CSMD1: variants seen among roughly 807,000 people sequenced by gnomAD.
CSMD1 encodes CUB and Sushi multiple domains 1, also known as CUB and sushi domain-containing protein 1.
In CSMD1, 213 loss-of-function variants were observed where a neutral mutation model predicts 417.5. The ratio of observed to expected loss-of-function variants is 0.51; its 90% CI spans 0.46 to 0.57. The LOEUF (loss-of-function observed/expected upper bound fraction) is 0.57, where lower values mean the gene tolerates loss of function less well. CSMD1 is among the 20% of genes least tolerant of loss of function. CSMD1 has a pLI of 0.00. For synonymous variants in CSMD1, 2,862 were observed against 1,736.8 expected, an observed-to-expected ratio of 1.65 and a Z score of -16.11; for missense variants, 6,923 against 4,529.7, an observed-to-expected ratio of 1.53 and a Z score of -15.17.
intron 3 of CSMD1, among the ~76,000 whole-genome samples, chr8:4,155,814 C>G (rs1216332871): frequency 6.6e-6 from 1 of 152,118 alleles, no homozygotes; most frequent in Non-Finnish European, 1.5e-5. Flanking sequence ...ATACACAAAG[C>G]TGCAAAGTCA....
chr8:3,903,125 G>C (rs143620067), intron 5 of CSMD1, among the ~76,000 whole-genome samples: 1 of 152,136 alleles, frequency 6.6e-6, no homozygotes, highest in Admixed American at 6.5e-5. Flanking sequence ...CCTTCTTACT[G>C]GCACTTTGGA....
intron 3 of CSMD1, among the ~76,000 whole-genome samples, chr8:4,330,385 A>G (rs765487708): frequency 3.9e-5 from 6 of 152,106 alleles, no homozygotes; most frequent in Non-Finnish European, 7.4e-5. Context: ...ACTTGAGGTC[A>G]GGAGTTCAGA....
chr8:3,222,744 T>C (rs1033163639), intron 28 of CSMD1, among the ~76,000 whole-genome samples: 4 of 152,246 alleles, frequency 2.6e-5, no homozygotes, highest in Non-Finnish European at 5.9e-5. Context: ...TCACTGGTTT[T>C]CTGTAATAGC....
chr8:4,636,225 G>A (rs1012774941), intron 2 of CSMD1, among the ~76,000 whole-genome samples: 1 of 151,860 alleles, frequency 6.6e-6, no homozygotes, highest in Non-Finnish European at 1.5e-5. Flanking sequence ...TGATTTCTTT[G>A]GAAGGGATAT....
chr8:4,187,579 T>C (rs1798757970), intron 3 of CSMD1, among the ~76,000 whole-genome samples: 1 of 146,412 alleles, frequency 6.8e-6, no homozygotes, highest in Non-Finnish European at 1.5e-5. Flanking sequence ...AGGAGGCTAA[T>C]GTAGGAGAAT....
At chr8:4,149,421 T>C (rs553005686) in intron 3 of CSMD1, among the ~76,000 whole-genome samples, 2 of 152,314 alleles carry the variant, frequency 1.3e-5, no homozygotes, top group South Asian at 4.2e-4. Flanking sequence ...CTGAGCAATA[T>C]TTGAACGGTA....
intron 1 of CSMD1, among the ~76,000 whole-genome samples, chr8:4,765,030 T>C (rs1425583746): frequency 1.3e-5 from 2 of 152,146 alleles, no homozygotes; most frequent in African/African-American, 4.8e-5. Flanking sequence ...ATTAAGCAAC[T>C]GCATGTTTTC....
intron 5 of CSMD1, among the ~76,000 whole-genome samples, chr8:3,898,746 T>C (rs112629738): frequency 1.1e-4 from 16 of 152,206 alleles, no homozygotes; most frequent in Non-Finnish European, 2.2e-4. Flanking sequence ...TTTTCTGCTA[T>C]TGAACCACTG....
At chr8:4,303,733 C>G (rs1371940366) in intron 3 of CSMD1, among the ~76,000 whole-genome samples, 4 of 151,838 alleles carry the variant, frequency 2.6e-5, no homozygotes, top group Non-Finnish European at 4.4e-5. Context: ...TTGGCTCACC[C>G]CAACCTCAGC....
At chr8:3,532,671 A>G (rs78141234) in intron 10 of CSMD1, among the ~76,000 whole-genome samples, 99 of 152,330 alleles carry the variant, frequency 6.5e-4, no homozygotes, top group African/African-American at 2.3e-3. Context: ...AATTATAATT[A>G]TAAAAAATAA....
chr8:3,705,495 T>C (rs971355875), intron 7 of CSMD1, among the ~76,000 whole-genome samples: 1 of 152,184 alleles, frequency 6.6e-6, no homozygotes, highest in Non-Finnish European at 1.5e-5. Context: ...GATAATTCCC[T>C]GGCCACTGCT....
At chr8:3,165,112 A>T (rs2129041469) in intron 37 of CSMD1, among the ~76,000 whole-genome samples, 1 of 152,220 alleles carries the variant, frequency 6.6e-6, no homozygotes, top group Admixed American at 6.5e-5. Flanking sequence ...TATGCAGAGC[A>T]CAATATTTGA....
intron 3 of CSMD1, among the ~76,000 whole-genome samples, chr8:4,202,227 G>A (rs1186443092): frequency 1.3e-5 from 2 of 152,028 alleles, no homozygotes; most frequent in African/African-American, 4.8e-5. Context: ...ACTATTTGAT[G>A]AATTATGCCT....
At position 3,487,946 on chromosome 8, in the gene CSMD1, G is replaced by C. The variant is rs368899793; in HGVS notation, c.1448+5677C>G. On this transcript the variant is annotated intron_variant, in intron 11 of 69. Coordinates refer to ENST00000635120, the MANE Select transcript of CSMD1 (RefSeq NM_033225.6). ...TTTTAAACTTGTTTGCATCCCATTAGAGATGTGTATTTTATGAGTAATTTA... is the reference window on the plus strand; with the variant it reads ...TTTTAAACTTGTTTGCATCCCATTACAGATGTGTATTTTATGAGTAATTTA... Among the ~76,000 whole-genome samples, 4 of 151,890 alleles carry C rather than the reference G, an allele frequency of 2.6e-5. No individual in the cohort carries two copies. In the South Asian group the frequency reaches 8.3e-4, roughly 31 times the overall value.
intron 2 of CSMD1, among the ~76,000 whole-genome samples, chr8:4,462,072 A>T (rs763208121): frequency 1.1e-4 from 16 of 151,510 alleles, no homozygotes; most frequent in South Asian, 2.1e-4. Flanking sequence ...ATGAAGTCTC[A>T]CTGTGTTGCA....
At chr8:4,440,457 G>A (rs1002880934) in intron 2 of CSMD1, among the ~76,000 whole-genome samples, 3 of 151,884 alleles carry the variant, frequency 2.0e-5, no homozygotes, top group African/African-American at 7.3e-5. Context: ...TGTTCATCTT[G>A]TTACTCACAA....
At chr8:4,518,231 C>T (rs1281527311) in intron 2 of CSMD1, among the ~76,000 whole-genome samples, 1 of 152,046 alleles carries the variant, frequency 6.6e-6, no homozygotes, top group African/African-American at 2.4e-5. Flanking sequence ...TAAATCTGGC[C>T]TTTTCATTTC....
chr8:4,156,717 G>C lies in CSMD1; in HGVS notation c.416-124618C>G, dbSNP rs1053190570. On this transcript the variant is annotated intron_variant, in intron 3 of 69. Transcript: ENST00000635120. The stretch of plus-strand genomic sequence containing the variant: ...GGGGCCCAAGAAGAGACTATGTGCA[G>C]TTTGCAGTGGGGCCAGTGACAGCTT... 3.9e-5 allele frequency among the ~76,000 whole-genome samples: 6 copies of C among 152,158 alleles called. No individual in the cohort carries two copies. In the East Asian group the frequency reaches 9.7e-4, roughly 24 times the overall value.
At chr8:3,961,504 A>T (rs1812318915) in intron 5 of CSMD1, among the ~76,000 whole-genome samples, 1 of 152,184 alleles carries the variant, frequency 6.6e-6, no homozygotes, top group African/African-American at 2.4e-5. Context: ...GTTCATTATT[A>T]AGATTTTGTT....
Sources: allele counts gnomAD v4.1 joint callset (sites outside exome capture counted in the v4.1 genomes callset), GRCh38; gene constraint gnomAD v4.1.1; transcripts MANE v1.5; gene names NCBI Gene and HGNC (gene_info 2026-07-23, HGNC 2026-07-21).